POTEB: variants seen among roughly 807,000 people sequenced by gnomAD.
The protein encoded by POTEB is POTE ankyrin domain family member B, also known as ANKRD26-like family B, member 1.
chr15:21,851,550 G>A (rs1312675477), intron 9 of POTEB, among the ~76,000 whole-genome samples: 16 of 126,386 alleles, frequency 1.3e-4, no homozygotes, highest in African/African-American at 3.4e-4. Flanking sequence ...GTTAGGACTT[G>A]AGCAAAAGCT....
chr15:21,854,625 C>T (rs1400781204), intron 9 of POTEB, among the ~76,000 whole-genome samples: 212 of 146,810 alleles, frequency 1.4e-3, no homozygotes, highest in African/African-American at 4.3e-3. Context: ...AATTTGAGTT[C>T]GTGAGTGTAG....
chr15:21,856,918 C>CCTGTGGGATTA lies in POTEB; in HGVS notation c.1171_1172insTAATCCCACAG (p.Gly391ValfsTer10). The CCTGTGGGATTA allele has an allele frequency of 2.1e-6, 1 of 467,352 alleles. No homozygotes were observed. The allele number at this position is 467,352 out of a possible 1,614,324, so 29.0% of individuals were successfully genotyped here. A position where few individuals can be genotyped will look rare whatever the true frequency, so the allele number is the denominator to read the frequency against. On this transcript the variant is annotated frameshift_variant, in exon 9 of 11. Transcript: ENST00000439682. LOFTEE classifies it high-confidence loss of function. ...ACCATTAGTCAGGTTTTCTGGTAAT[C>CCTGTGGGATTA]CCACAGGATTACTTCCATGCTTCTT...
intron 9 of POTEB, among the ~76,000 whole-genome samples, chr15:21,855,260 A>C (rs1408950013): frequency 6.7e-6 from 1 of 148,412 alleles, no homozygotes; most frequent in Non-Finnish European, 1.5e-5. Flanking sequence ...CACAAGGGTC[A>C]GCAAATTAGC....
In POTEB at chr15:21,847,401, C is replaced by T. The variant is rs1204662475; in HGVS notation, c.1422+798G>A. 2.5e-4 allele frequency among the ~76,000 whole-genome samples: 17 copies of T among 66,866 alleles called. 2 individuals are homozygous for T. The highest frequency in any genetic ancestry group is 4.8e-4 in the Non-Finnish European group (14 of 29,150). 43.9% of individuals were successfully genotyped at this position (66,866 alleles called of 152,430 possible). On this transcript the variant is annotated intron_variant, in intron 10 of 10. Transcript: ENST00000439682. ...ATATATGCAACGTGCAAGATTTTTGCCAGGTCTTCTGATGCTACTGTTAGT... is the reference window on the plus strand; with the variant it reads ...ATATATGCAACGTGCAAGATTTTTGTCAGGTCTTCTGATGCTACTGTTAGT...
At chr15:21,850,167 A>AAATT (rs1555369137) in intron 9 of POTEB, among the ~76,000 whole-genome samples, 1 of 51,054 alleles carries the variant, frequency 2.0e-5, no homozygotes, top group East Asian at 4.3e-4. Flanking sequence ...AACAAAAATA[A>AAATT]AAATAAATAA....
intron 9 of POTEB, among the ~76,000 whole-genome samples, chr15:21,854,589 A>T (rs1208558907): frequency 6.6e-6 from 1 of 150,506 alleles, no homozygotes; most frequent in Non-Finnish European, 1.5e-5. Flanking sequence ...ACTTACTGGC[A>T]TGAGATCAAG....
chr15:21,871,421 AAAAAC>A (rs752051231), intron 3 of POTEB, among the ~76,000 whole-genome samples: 50 of 28,958 alleles, frequency 1.7e-3, no homozygotes, highest in East Asian at 3.3e-3. Context: ...AAACAAAAAC[AAAAAC>A]AAAAAAAAAC....
rs1384933598 is a variant in POTEB, at chr15:21,854,347, A to T, written c.1298+2445T>A. On this transcript the variant is annotated intron_variant, in intron 9 of 10. Transcript: ENST00000439682. Reference sequence around the variant, plus strand: ...AAAAGGAGAAAGATGAGGAGGAGCAAGCAAAACAGACCATGATGAATGGAC... The same window carrying T: ...AAAAGGAGAAAGATGAGGAGGAGCATGCAAAACAGACCATGATGAATGGAC... 2.7e-5 allele frequency among the ~76,000 whole-genome samples: 4 copies of T among 146,042 alleles called. No homozygotes were observed. The East Asian group carries it at 8.3e-4, about 30-fold the overall frequency.
At chr15:21,854,457 G>T (rs1275382286) in intron 9 of POTEB, among the ~76,000 whole-genome samples, 1 of 150,426 alleles carries the variant, frequency 6.6e-6, no homozygotes, top group Non-Finnish European at 1.5e-5. Context: ...CCCTCCATTG[G>T]CTCAAATATT....
intron 3 of POTEB, among the ~76,000 whole-genome samples, chr15:21,871,404 C>CACACACACACACACACACACAA (rs1378742867): frequency 1.6e-4 from 3 of 19,282 alleles, no homozygotes; most frequent in African/African-American, 3.8e-4. Context: ...CACACACACA[C>CACACACACACACACACACACAA]AAACAAAAAC....
chr15:21,870,265 A>T (rs1387129967), intron 3 of POTEB, among the ~76,000 whole-genome samples: 1 of 81,764 alleles, frequency 1.2e-5, no homozygotes, highest in African/African-American at 4.1e-5. Context: ...CCTGAGAAAC[A>T]TGGCAAAAAC....
chr15:21,847,499 C>G (rs1889709793), intron 10 of POTEB, among the ~76,000 whole-genome samples: 1 of 31,306 alleles, frequency 3.2e-5, no homozygotes, highest in South Asian at 1.1e-3. Flanking sequence ...TTTCAAAATA[C>G]AAATGGTAAA....
In POTEB at chr15:21,871,416, A is replaced by G. The variant is rs1294997533; in HGVS notation, c.699+591T>C. On this transcript the variant is annotated intron_variant, in intron 3 of 10. Transcript: ENST00000439682. ...ACACACACACACACAAACAAAAACA[A>G]AAACAAAAACAAAAAAAAACCTCTT... Among the ~76,000 whole-genome samples, 5 of 30,276 alleles carry G rather than the reference A, an allele frequency of 1.7e-4. 2 individuals carry two copies. The highest frequency in any genetic ancestry group is 4.5e-4 in the Non-Finnish European group (5 of 10,992). 19.9% of individuals were successfully genotyped at this position (30,276 alleles called of 152,430 possible).
At chr15:21,871,364 A>AACACACACACAC (rs554170349) in intron 3 of POTEB, among the ~76,000 whole-genome samples, 1 of 12,108 alleles carries the variant, frequency 8.3e-5, no homozygotes, top group African/African-American at 1.7e-4. Context: ...CAACAATAAC[A>AACACACACACAC]ACACACACAC....
chr15:21,854,515 T>C (rs866707125), intron 9 of POTEB, among the ~76,000 whole-genome samples: 329 of 150,426 alleles, frequency 2.2e-3, no homozygotes, highest in African/African-American at 7.7e-3. Flanking sequence ...CCTAGATTTA[T>C]TACAGAAAAA....
In POTEB at chr15:21,855,103, A is replaced by G. The variant is rs1026369689; in HGVS notation, c.1298+1689T>C. ...GAAAATAATCTTATTTTACAAATGA[A>G]ATTTTTAAAAATATATGAAGTCACT... On this transcript the variant is annotated intron_variant, in intron 9 of 10. Coordinates refer to ENST00000439682, the MANE Select transcript of POTEB (RefSeq NM_001277304.2). 6.2e-4 allele frequency among the ~76,000 whole-genome samples: 92 copies of G among 148,284 alleles called. 6 individuals are homozygous for G. The highest frequency in any genetic ancestry group is 1.2e-3 in the Non-Finnish European group (79 of 66,414).
At chr15:21,862,333 CA>C (rs1198729086) in intron 6 of POTEB, 1 of 27,892 alleles carries the variant, frequency 3.6e-5, no homozygotes, top group African/African-American at 6.3e-5. Flanking sequence ...AAAAAAAGGC[CA>C]ACACATTAAA....
chr15:21,850,827 TTATATATATATATATATATATA>T (rs1214256895), intron 9 of POTEB, among the ~76,000 whole-genome samples: 1 of 230 alleles, frequency 4.3e-3, no homozygotes, highest in Admixed American at 0.1. Context: ...ATAAAGAAAA[TTATATATATATATATATATATA>T]TATATATATA....
intron 9 of POTEB, among the ~76,000 whole-genome samples, chr15:21,855,195 A>T (rs1455484830): frequency 6.7e-6 from 1 of 148,572 alleles, no homozygotes; most frequent in Non-Finnish European, 1.5e-5. Context: ...ACTGTCACAC[A>T]TGCTGGGCAC....
Sources: allele counts gnomAD v4.1 joint callset (sites outside exome capture counted in the v4.1 genomes callset), GRCh38; gene constraint gnomAD v4.1.1; transcripts MANE v1.5; gene names NCBI Gene and HGNC (gene_info 2026-07-23, HGNC 2026-07-21).